LRRC8D: variants seen among roughly 807,000 people sequenced by gnomAD.
LRRC8D encodes the protein leucine rich repeat containing 8 VRAC subunit D, also known as volume-regulated anion channel subunit LRRC8D.
Under a neutral mutation model 55.8 loss-of-function variants are expected in LRRC8D, and 20 were observed. The ratio of observed to expected loss-of-function variants is 0.36; its 90% confidence interval spans 0.25 to 0.52. LRRC8D has a LOEUF of 0.52. Ranked by LOEUF, LRRC8D falls within the 20% of genes least tolerant of loss-of-function variation. The pLI, the probability that LRRC8D is intolerant of heterozygous loss-of-function variation, is 0.93. For synonymous variants in LRRC8D, 352 were observed against 377.0 expected (o/e 0.93, Z 0.77); for missense variants, 651 against 1,030.8 (o/e 0.63, Z 5.05).
At chr1:89,917,906 C>G (rs1367987131) in intron 2 of LRRC8D, among the ~76,000 whole-genome samples, 1 of 152,140 alleles carries the variant, frequency 6.6e-6, no homozygotes, top group Admixed American at 6.5e-5. Context: ...TTCACATTGA[C>G]AATTCAATTT....
At position 89,821,150 on chromosome 1, in the gene LRRC8D, G is replaced by A. The variant is rs1231585418; in HGVS notation, c.-289G>A. 4 of 152,006 alleles carry A rather than the reference G, an allele frequency of 2.6e-5. No individual in the cohort carries two copies. The highest frequency in any genetic ancestry group is 7.3e-5 in the African/African-American group (3 of 41,366). The allele number at this position is 152,006 out of a possible 1,614,324, so 9.4% of individuals were successfully genotyped here. A position where few individuals can be genotyped will look rare whatever the true frequency, so the allele number is the denominator to read the frequency against. The stretch of plus-strand genomic sequence containing the variant: ...GCGCTTCGAGGTGGCAGCCGCGGGC[G>A]GGGCCGCGGGAGCAGGGTCCAGGGT... On this transcript the variant is annotated 5_prime_UTR_variant, in exon 1 of 3. Transcript: ENST00000337338.
intron 2 of LRRC8D, among the ~76,000 whole-genome samples, chr1:89,865,812 A>G (rs1001987119): frequency 6.6e-6 from 1 of 152,230 alleles, no homozygotes; most frequent in African/African-American, 2.4e-5. Flanking sequence ...CTCCAAATAT[A>G]TATCTAATTC....
chr1:89,839,682 G>T (rs955163181), intron 1 of LRRC8D, among the ~76,000 whole-genome samples: 1 of 152,214 alleles, frequency 6.6e-6, no homozygotes, highest in Admixed American at 6.5e-5. Flanking sequence ...GTGAGTGCCA[G>T]AGACCTCCTT....
chr1:89,902,334 G>A (rs1479111905), intron 2 of LRRC8D, among the ~76,000 whole-genome samples: 1 of 152,132 alleles, frequency 6.6e-6, no homozygotes, highest in African/African-American at 2.4e-5. Flanking sequence ...ATTGTGGACT[G>A]TTGGCTGTTT....
intron 1 of LRRC8D, among the ~76,000 whole-genome samples, chr1:89,830,748 G>T (rs1660866404): frequency 6.6e-6 from 1 of 152,160 alleles, no homozygotes; most frequent in Non-Finnish European, 1.5e-5. Context: ...TGTAAAATCT[G>T]ATTTTAAAGG....
At position 89,840,234 on chromosome 1, in the gene LRRC8D, C is replaced by T. The variant is rs932118108; in HGVS notation, c.-147-3404C>T. Among the ~76,000 whole-genome samples, 11 of 151,958 alleles carry T rather than the reference C, an allele frequency of 7.2e-5. 1 individual carries two copies. Among genetic ancestry groups the T allele is most frequent in the African/African-American group, 2.7e-4 (11 of 41,294 alleles). ...GCACACACACACGTGCGCATGCACACACACACACAAAAGCATAACAGCGGC... is the reference window on the plus strand; with the variant it reads ...GCACACACACACGTGCGCATGCACATACACACACAAAAGCATAACAGCGGC... On this transcript the variant is annotated intron_variant, in intron 1 of 2. Coordinates refer to ENST00000337338, the MANE Select transcript of LRRC8D (RefSeq NM_001134479.2).
chr1:89,925,995 T>C (rs907293008), intron 2 of LRRC8D, among the ~76,000 whole-genome samples: 2 of 152,230 alleles, frequency 1.3e-5, no homozygotes, highest in Admixed American at 1.3e-4. Context: ...AGCATTAAAG[T>C]TATTTGTAGT....
chr1:89,916,228 T>G (rs1663265927), intron 2 of LRRC8D, among the ~76,000 whole-genome samples: 1 of 152,250 alleles, frequency 6.6e-6, no homozygotes, highest in Non-Finnish European at 1.5e-5. Flanking sequence ...CACCTTAGTT[T>G]GTGAAGGGCT....
At chr1:89,879,371 A>C (rs1353955838) in intron 2 of LRRC8D, among the ~76,000 whole-genome samples, 1 of 152,216 alleles carries the variant, frequency 6.6e-6, no homozygotes, top group African/African-American at 2.4e-5. Context: ...GCAGACCGAC[A>C]TCAGCTCACT....
chr1:89,853,552 A>G (rs1557451265), intron 2 of LRRC8D, among the ~76,000 whole-genome samples: 1 of 152,204 alleles, frequency 6.6e-6, no homozygotes, highest in South Asian at 2.1e-4. Flanking sequence ...GTTTGTTTTT[A>G]TATATTATAC....
chr1:89,882,367 G>A lies in LRRC8D; in HGVS notation c.-3+38585G>A, dbSNP rs145944670. On this transcript the variant is annotated intron_variant, in intron 2 of 2. Transcript: ENST00000337338. ...CTTTGCTGTTTAAGTACTACGTGCT[G>A]TGCACTGGACTGGCTATTGGAATTT... 5.7e-3 allele frequency among the ~76,000 whole-genome samples: 871 copies of A among 152,340 alleles called. 4 individuals carry two copies. Among genetic ancestry groups the A allele is most frequent in the African/African-American group, 0.02 (850 of 41,570 alleles).
intron 2 of LRRC8D, among the ~76,000 whole-genome samples, chr1:89,846,051 T>G (rs1000167531): frequency 6.6e-6 from 1 of 152,198 alleles, no homozygotes; most frequent in African/African-American, 2.4e-5. Context: ...AGTGCTGGGA[T>G]TACAGGAGTG....
At position 89,933,778 on chromosome 1, in the gene LRRC8D, A is replaced by T. The variant is rs1412219696; in HGVS notation, c.710A>T (p.His237Leu). The T allele has an allele frequency of 1.9e-6, 3 of 1,614,044 alleles. No homozygotes were observed. Residue 237 changes from histidine (H) to leucine (L), a missense_variant, in exon 3 of 3, where the codon CAT becomes CTT. His to Leu is a moderately conservative substitution (Grantham distance 99). Transcript: ENST00000337338. This position sits in a 1 kb window ranked among gnomAD's most constrained non-coding sequence, Gnocchi z 7.0. The part of the protein sequence containing the change: ...RITGAQTLPK[H>L]VSTSSDEGSP... Reference sequence around the variant, plus strand: ...ACAGGTGCCCAGACTCTACCAAAGCATGTTTCTACCAGCAGTGATGAAGGG... The same window carrying T: ...ACAGGTGCCCAGACTCTACCAAAGCTTGTTTCTACCAGCAGTGATGAAGGG...
At chr1:89,904,108 G>T (rs1402209428) in intron 2 of LRRC8D, among the ~76,000 whole-genome samples, 2 of 152,200 alleles carry the variant, frequency 1.3e-5, no homozygotes, top group Non-Finnish European at 2.9e-5. Flanking sequence ...ATTAAAGTGG[G>T]TGGGGCAGGA....
chr1:89,931,587 T>C (rs200313865), intron 2 of LRRC8D, among the ~76,000 whole-genome samples: 2 of 151,944 alleles, frequency 1.3e-5, no homozygotes, highest in Non-Finnish European at 2.9e-5. Flanking sequence ...GGTGAAACCC[T>C]GTCTCTACTA....
At chr1:89,889,342 G>A (rs1446827876) in intron 2 of LRRC8D, among the ~76,000 whole-genome samples, 2 of 152,046 alleles carry the variant, frequency 1.3e-5, no homozygotes, top group African/African-American at 4.8e-5. Flanking sequence ...GGAACCTAAG[G>A]AGATATGAGT....
At chr1:89,839,021 C>T (rs537246830) in intron 1 of LRRC8D, among the ~76,000 whole-genome samples, 1 of 151,704 alleles carries the variant, frequency 6.6e-6, no homozygotes, top group Non-Finnish European at 1.5e-5. Context: ...GATTTTTTTT[C>T]TGAGCAAAAG....
intron 2 of LRRC8D, among the ~76,000 whole-genome samples, chr1:89,883,100 G>A (rs1015307051): frequency 1.3e-5 from 2 of 152,112 alleles, no homozygotes; most frequent in Non-Finnish European, 2.9e-5. Context: ...AGGCTGAGAC[G>A]GGAGGATCCC....
chr1:89,883,769 A>G (rs1189064588), intron 2 of LRRC8D, among the ~76,000 whole-genome samples: 1 of 152,236 alleles, frequency 6.6e-6, no homozygotes, highest in African/African-American at 2.4e-5. Flanking sequence ...CAGACAGAAA[A>G]TGCAGAGCAC....
Sources: allele counts gnomAD v4.1 joint callset (sites outside exome capture counted in the v4.1 genomes callset), GRCh38; gene constraint gnomAD v4.1.1; non-coding constraint Gnocchi (gnomAD v3.1); transcripts MANE v1.5; gene names NCBI Gene and HGNC (gene_info 2026-07-23, HGNC 2026-07-21).